KLF12: variants seen among roughly 807,000 people sequenced by gnomAD.
KLF12 encodes Krueppel-like factor 12.
A neutral mutation model predicts 37.8 loss-of-function variants in KLF12; 9 were observed. The observed-to-expected ratio is 0.24, with a 90% CI of 0.14 to 0.42. The LOEUF (loss-of-function observed/expected upper bound fraction) is 0.42, where lower values mean the gene tolerates loss of function less well. Among genes scored for constraint, KLF12 ranks in the 10% least tolerant of loss-of-function variants. The pLI, the probability that KLF12 is intolerant of heterozygous loss-of-function variation, is 1.00. For synonymous variants in KLF12, 208 were observed against 202.1 expected, an observed-to-expected ratio of 1.03 and a Z score of -0.25; for missense variants, 411 against 516.0, an observed-to-expected ratio of 0.80 and a Z score of 1.97.
intron 1 of KLF12, among the ~76,000 whole-genome samples, chr13:74,026,155 A>G (rs1170926474): frequency 1.2e-5 from 1 of 85,774 alleles, no homozygotes; most frequent in Non-Finnish European, 2.6e-5. Context: ...CAAGATTTTG[A>G]AGAAAAAAAA....
chr13:73,765,724 C>A (rs1482197774), intron 5 of KLF12, among the ~76,000 whole-genome samples: 3 of 152,142 alleles, frequency 2.0e-5, no homozygotes, highest in Non-Finnish European at 4.4e-5. Context: ...AGTAAACCTC[C>A]GCCTCTTTGT....
At chr13:74,265,533 G>T in the KLF12 span, among the ~76,000 whole-genome samples, 1 of 152,160 alleles carries the variant, frequency 6.6e-6, no homozygotes, top group Non-Finnish European at 1.5e-5. Context: ...AATATAAGTA[G>T]ACCTTTCAGT....
chr13:73,795,918 A>G lies in KLF12; in HGVS notation c.806+17234T>C, dbSNP rs150323369. Among the ~76,000 whole-genome samples, 914 of 152,354 alleles carry G rather than the reference A, an allele frequency of 6.0e-3. 12 individuals carry two copies. Among genetic ancestry groups the G allele is most frequent in the African/African-American group, 0.021 (874 of 41,578 alleles). The stretch of plus-strand genomic sequence containing the variant: ...ATGGATAAGAAGATAAAGATGATGT[A>G]CCTAGAATAAATAGTAAACAGAGAG... On this transcript the variant is annotated intron_variant, in intron 5 of 7. Coordinates refer to ENST00000377669, the MANE Select transcript of KLF12 (RefSeq NM_007249.5).
chr13:74,058,916 C>T (rs553234046), intron 1 of KLF12, among the ~76,000 whole-genome samples: 1 of 152,126 alleles, frequency 6.6e-6, no homozygotes, highest in Non-Finnish European at 1.5e-5. Flanking sequence ...GATCATTGTA[C>T]CCAAAAGGTA....
At chr13:74,214,740 A>T in the KLF12 span, among the ~76,000 whole-genome samples, 1 of 152,154 alleles carries the variant, frequency 6.6e-6, no homozygotes, top group South Asian at 2.1e-4. Context: ...TGTGCATTAA[A>T]ATAGGCAATG....
intron 4 of KLF12, among the ~76,000 whole-genome samples, chr13:73,828,991 T>TA (rs1346407115): frequency 6.6e-6 from 1 of 152,160 alleles, no homozygotes; most frequent in Non-Finnish European, 1.5e-5. Flanking sequence ...CCTGAAGTGA[T>TA]AGCCACACCT....
At chr13:73,798,794 G>A (rs9530244) in intron 5 of KLF12, among the ~76,000 whole-genome samples, 52,067 of 152,036 alleles carry the variant, frequency 0.34, 9,718 homozygotes, top group Middle Eastern at 0.45. Flanking sequence ...GAAAAGGAAC[G>A]TTTTTTGCAC....
chr13:74,077,941 C>T (rs1404459078), intron 1 of KLF12, among the ~76,000 whole-genome samples: 3 of 152,136 alleles, frequency 2.0e-5, no homozygotes, highest in East Asian at 1.9e-4. Context: ...TTAAGTCCTC[C>T]GCTTCACTCT....
chr13:73,704,641 T>C (rs770907750), intron 7 of KLF12, among the ~76,000 whole-genome samples: 1 of 152,206 alleles, frequency 6.6e-6, no homozygotes, highest in Non-Finnish European at 1.5e-5. Flanking sequence ...TTATTGTCCA[T>C]GCTGTAGAGA....
At chr13:74,167,145 A>T in the KLF12 span, among the ~76,000 whole-genome samples, 2 of 152,138 alleles carry the variant, frequency 1.3e-5, no homozygotes, top group South Asian at 4.1e-4. Context: ...TATCTTGTTT[A>T]TTTTCATTTT....
At chr13:74,248,460 G>A in the KLF12 span, among the ~76,000 whole-genome samples, 1 of 152,142 alleles carries the variant, frequency 6.6e-6, no homozygotes, top group Non-Finnish European at 1.5e-5. Context: ...ATGTTTCCAG[G>A]AAGAATAAGG....
intron 2 of KLF12, among the ~76,000 whole-genome samples, chr13:73,964,270 A>C (rs1263330222): frequency 6.6e-6 from 1 of 152,222 alleles, no homozygotes; most frequent in Non-Finnish European, 1.5e-5. Context: ...AGTCCACAAG[A>C]AAACACAAAT....
chr13:74,211,473 G>A, the KLF12 span, among the ~76,000 whole-genome samples: 1 of 152,110 alleles, frequency 6.6e-6, no homozygotes, highest in African/African-American at 2.4e-5. Context: ...AACCACATGA[G>A]GAAAGGCAGA....
intron 2 of KLF12, among the ~76,000 whole-genome samples, chr13:73,992,463 G>GTTTGTT (rs377551462): frequency 4.5e-4 from 69 of 152,284 alleles, no homozygotes; most frequent in African/African-American, 1.6e-3. Flanking sequence ...TTTGTTTTTT[G>GTTTGTT]TTTGTTTTTG....
the KLF12 span, among the ~76,000 whole-genome samples, chr13:74,273,262 A>C: frequency 1.3e-5 from 2 of 152,184 alleles, no homozygotes; most frequent in Non-Finnish European, 2.9e-5. Flanking sequence ...TTTATTGAAT[A>C]TGAAAATGTG....
the KLF12 span, among the ~76,000 whole-genome samples, chr13:74,156,207 C>G: frequency 1.3e-5 from 2 of 152,174 alleles, no homozygotes; most frequent in African/African-American, 4.8e-5. Context: ...ACTGCGATCT[C>G]TCTTCATAAT....
chr13:74,076,661 AG>A (rs1428325854), intron 1 of KLF12, among the ~76,000 whole-genome samples: 1 of 152,030 alleles, frequency 6.6e-6, no homozygotes, highest in African/African-American at 2.4e-5. Flanking sequence ...CTTTTATCTT[AG>A]GTTTGAGGGT....
chr13:73,936,267 A>T (rs1224045321), intron 3 of KLF12, among the ~76,000 whole-genome samples: 1 of 152,138 alleles, frequency 6.6e-6, no homozygotes, highest in Non-Finnish European at 1.5e-5. Context: ...AGTGACTTGC[A>T]GATCAGTTCG....
At position 73,985,296 on chromosome 13, in the gene KLF12, C is replaced by T. The variant is rs147472331; in HGVS notation, c.33+9694G>A. 5.6e-3 allele frequency among the ~76,000 whole-genome samples: 854 copies of T among 152,320 alleles called. 7 individuals are homozygous for T. The highest frequency in any genetic ancestry group is 0.01 in the South Asian group (49 of 4,824). Reference sequence around the variant, plus strand: ...TGCTTTAAGCCACTAACCTGGGATGCTCTGTTTTGCAGCAATGGATGATGA... The same window carrying T: ...TGCTTTAAGCCACTAACCTGGGATGTTCTGTTTTGCAGCAATGGATGATGA... On this transcript the variant is annotated intron_variant, in intron 2 of 7. Coordinates refer to ENST00000377669, the MANE Select transcript of KLF12 (RefSeq NM_007249.5).
Sources: allele counts gnomAD v4.1 joint callset (sites outside exome capture counted in the v4.1 genomes callset), GRCh38; gene constraint gnomAD v4.1.1; transcripts MANE v1.5; gene names NCBI Gene and HGNC (gene_info 2026-07-23, HGNC 2026-07-21).